The following RTTN variants were observed in gnomAD, a reference collection of about 807,000 sequenced individuals.
RTTN encodes the protein rotatin.
Under a neutral mutation model 269.2 loss-of-function variants are expected in RTTN, and 182 were observed. The observed-to-expected ratio is 0.68, with a 90% CI of 0.60 to 0.76. The LOEUF (loss-of-function observed/expected upper bound fraction) is 0.76. Ranked by LOEUF, RTTN falls within the 30% of genes least tolerant of loss-of-function variation. The pLI, the probability that RTTN is intolerant of heterozygous loss-of-function variation, is 0.00. For synonymous variants in RTTN, 1,006 were observed against 963.5 expected, an observed-to-expected ratio of 1.04 and a Z score of -0.82; for missense variants, 2,545 against 2,608.6, an observed-to-expected ratio of 0.98 and a Z score of 0.53.
At chr18:70,191,193 CAA>C (rs572903786) in intron 8 of RTTN, among the ~76,000 whole-genome samples, 8 of 123,560 alleles carry the variant, frequency 6.5e-5, no homozygotes, top group African/African-American at 6.0e-5. Context: ...GACTCCATCT[CAA>C]AAAAAAAAAA....
chr18:70,187,972 T>C (rs2061584472), intron 10 of RTTN, 136 bp downstream of exon 10: 1 of 595,860 alleles, frequency 1.7e-6, no homozygotes, highest in Admixed American at 3.2e-5. Context: ...AGGCTATTTA[T>C]AACATAAGCC....
intron 40 of RTTN, among the ~76,000 whole-genome samples, chr18:70,043,418 A>G (rs1017299846): frequency 6.6e-6 from 1 of 152,154 alleles, no homozygotes; most frequent in East Asian, 1.9e-4. Context: ...AAGGGAACCC[A>G]TTTTGGCAGG....
chr18:70,177,572 T>C (rs2061332677), intron 10 of RTTN, among the ~76,000 whole-genome samples: 1 of 151,910 alleles, frequency 6.6e-6, no homozygotes. Flanking sequence ...TATACTGATA[T>C]GCCCCCATAA....
At chr18:70,123,452 A>C (rs2059788650) in intron 25 of RTTN, among the ~76,000 whole-genome samples, 1 of 152,060 alleles carries the variant, frequency 6.6e-6, no homozygotes, top group Admixed American at 6.6e-5. Flanking sequence ...TCTAACTGGA[A>C]TTTTGTAACC....
At chr18:70,163,921 G>A (rs567189238) in intron 14 of RTTN, among the ~76,000 whole-genome samples, 3 of 152,082 alleles carry the variant, frequency 2.0e-5, no homozygotes, top group African/African-American at 4.8e-5. Flanking sequence ...GTTACAACAT[G>A]GATGAGCCTT....
chr18:70,064,006 TTGGCAAAGAGTAAAA>T (rs1276955235), intron 35 of RTTN, among the ~76,000 whole-genome samples: 1 of 142,670 alleles, frequency 7.0e-6, no homozygotes. Flanking sequence ...GCTGAAATGA[TTGGCAAAGAGTAAAA>T]TTGCATAAAT....
At chr18:70,105,537 C>G (rs549687232) in intron 28 of RTTN, among the ~76,000 whole-genome samples, 2 of 152,286 alleles carry the variant, frequency 1.3e-5, no homozygotes, top group Non-Finnish European at 1.5e-5. Flanking sequence ...CCCGGTACCT[C>G]AGCTGGAAAT....
At position 70,044,974 on chromosome 18, in the gene RTTN, C is replaced by T. The variant is rs73964477; in HGVS notation, c.5541+2997G>A. Among the ~76,000 whole-genome samples, 1,340 of 152,236 alleles carry T rather than the reference C, an allele frequency of 8.8e-3. 25 individuals carry two copies. The highest frequency in any genetic ancestry group is 0.03 in the African/African-American group (1,245 of 41,536). ...AGGCAAAACTACAGATAAGAGGAGA[C>T]TACTGTATCTTCATAAACTAGGGAA... On this transcript the variant is annotated intron_variant, in intron 40 of 48. Coordinates refer to ENST00000640769, the MANE Select transcript of RTTN (RefSeq NM_173630.4).
At chr18:70,032,014 T>C (rs895928215) in intron 40 of RTTN, among the ~76,000 whole-genome samples, 1 of 152,148 alleles carries the variant, frequency 6.6e-6, no homozygotes, top group African/African-American at 2.4e-5. Context: ...ATTTGAGTTG[T>C]CAGGGAAAGC....
rs55934628 is a variant in RTTN at position 70,061,271 on chromosome 18, C to T, written c.4748-1229G>A. ...ACAGTAATAAGGTACCTGCACCCTA[C>T]ATTAGTGAACACCTCCATTAACCTT... is the stretch of plus-strand genomic sequence containing the variant. On this transcript the variant is annotated intron_variant, in intron 35 of 48. Coordinates refer to ENST00000640769, the MANE Select transcript of RTTN (RefSeq NM_173630.4). 3.9e-3 allele frequency: 1,732 copies of T among 449,106 alleles called. 33 individuals carry two copies. Among genetic ancestry groups the T allele is most frequent in the African/African-American group, 0.03 (1,495 of 49,954 alleles). The allele number at this position is 449,106 out of a possible 1,614,324, so 27.8% of individuals were successfully genotyped here.
At position 70,020,720 on chromosome 18, in the gene RTTN, C is replaced by T. The variant is rs140889407; in HGVS notation, c.6048G>A (p.Lys2016=). 1 of 1,614,100 alleles carries T rather than the reference C, an allele frequency of 6.2e-7. No homozygotes were observed. Among genetic ancestry groups the T allele is most frequent in the African/African-American group, 1.3e-5 (1 of 75,046 alleles). ...VSNSLMLCIL[K]LASQMPLENT... is the part of the protein sequence containing the mutation. Reference sequence around the variant, plus strand: ...TCTCCAGTGGCATCTGGGAAGCCAACTTTAGGATACACAGCATCAGAGAGT... The same window carrying T: ...TCTCCAGTGGCATCTGGGAAGCCAATTTTAGGATACACAGCATCAGAGAGT... The change falls in exon 45 of 49, where the codon AAG becomes AAA. Residue 2016 remains lysine (K), a synonymous_variant. Coordinates refer to ENST00000640769, the MANE Select transcript of RTTN (RefSeq NM_173630.4).
chr18:70,052,497 C>T (rs1007238157), intron 38 of RTTN, among the ~76,000 whole-genome samples: 2 of 151,978 alleles, frequency 1.3e-5, no homozygotes, highest in African/African-American at 4.8e-5. Context: ...AAGTATAGAG[C>T]TTACTGTTTT....
At chr18:70,109,842 G>T in intron 27 of RTTN, 125 bp from the exon 28 acceptor site, 1 of 677,602 alleles carries the variant, frequency 1.5e-6, no homozygotes. Flanking sequence ...AGACAAAATG[G>T]CAGAAAATAG....
intron 43 of RTTN, among the ~76,000 whole-genome samples, chr18:70,028,207 C>T (rs916256924): frequency 5.9e-5 from 9 of 151,412 alleles, no homozygotes; most frequent in East Asian, 3.9e-4. Flanking sequence ...TGCTTACAGA[C>T]GAAGCAAAAC....
chr18:70,088,476 A>C (rs150436407), intron 30 of RTTN, among the ~76,000 whole-genome samples: 2 of 152,328 alleles, frequency 1.3e-5, no homozygotes, highest in African/African-American at 4.8e-5. Context: ...TTCATTCTTA[A>C]AAAAGGTAGC....
At chr18:70,107,213 G>C (rs191618536) in intron 28 of RTTN, among the ~76,000 whole-genome samples, 1 of 152,172 alleles carries the variant, frequency 6.6e-6, no homozygotes, top group Non-Finnish European at 1.5e-5. Context: ...AAGGCAGAAA[G>C]CCCAGTGCTC....
intron 32 of RTTN, among the ~76,000 whole-genome samples, chr18:70,079,758 T>G (rs2058515496): frequency 6.6e-6 from 1 of 152,080 alleles, no homozygotes; most frequent in Non-Finnish European, 1.5e-5. Flanking sequence ...GCAAATTAAT[T>G]ATGTCATATC....
intron 25 of RTTN, among the ~76,000 whole-genome samples, chr18:70,122,596 T>C (rs1335280628): frequency 6.6e-6 from 1 of 152,086 alleles, no homozygotes; most frequent in Non-Finnish European, 1.5e-5. Flanking sequence ...AGCAAAAATA[T>C]GGTTAAGTCG....
chr18:70,166,248 T>C, intron 13 of RTTN, 60 bp from the exon 14 acceptor site: 2 of 1,555,946 alleles, frequency 1.3e-6, no homozygotes, highest in East Asian at 2.3e-5. Context: ...AGCAAAAGAC[T>C]GCAAAGCATA....
Sources: allele counts gnomAD v4.1 joint callset (sites outside exome capture counted in the v4.1 genomes callset), GRCh38; gene constraint gnomAD v4.1.1; transcripts MANE v1.5; gene names NCBI Gene and HGNC (gene_info 2026-07-23, HGNC 2026-07-21).